The following MAP3K14 variants were observed in gnomAD, a reference collection of about 807,000 sequenced individuals.
MAP3K14 encodes mitogen-activated protein kinase kinase kinase 14, also known as NF-kappa-beta-inducing kinase.
In MAP3K14, 16 loss-of-function variants were observed where a neutral mutation model predicts 99.2. The observed-to-expected ratio is 0.16, with a 90% confidence interval of 0.11 to 0.24. MAP3K14 has a LOEUF of 0.24. MAP3K14 is among the 10% of genes least tolerant of loss of function. The pLI, the probability that MAP3K14 is intolerant of heterozygous loss-of-function variation, is 1.00. For missense variants in MAP3K14, 784 were observed against 1,208.7 expected (o/e 0.65, Z 5.21); for synonymous variants, 462 against 492.4 (o/e 0.94, Z 0.82).
Position 45,287,008 on chromosome 17 carries a change from T to C in MAP3K14, c.575A>G (p.Asn192Ser), listed in dbSNP as rs1427307864. The change falls in exon 5 of 16, where the codon AAC becomes AGC. Residue 192 changes from asparagine to serine, a missense_variant. Physicochemically the swap from Asn to Ser is conservative, Grantham distance 46 (BLOSUM62 1). Transcript: ENST00000344686. ...ESPLGAPYVR[N>S]TPQFTKPLKE... Reference sequence around the variant, plus strand: ...CAGAGGCTTGGTGAACTGCGGGGTGTTTCTAACATATGGGGCGCCGAGTGG... The same window carrying C: ...CAGAGGCTTGGTGAACTGCGGGGTGCTTCTAACATATGGGGCGCCGAGTGG... 2 of 1,613,620 alleles carry C rather than the reference T, an allele frequency of 1.2e-6. No individual in the cohort carries two copies. The highest frequency in any genetic ancestry group is 1.7e-6 in the Non-Finnish European group (2 of 1,179,650).
At position 45,266,467 on chromosome 17, in the gene MAP3K14, C is replaced by T. The variant is rs2044083502; in HGVS notation, c.2578+70G>A. The T allele has an allele frequency of 5.3e-6, 8 of 1,523,164 alleles. 1 individual carries two copies. The South Asian group carries it at 8.7e-5, about 17-fold the overall frequency. 94.4% of individuals were successfully genotyped at this position (1,523,164 alleles called of 1,614,324 possible). On this transcript the variant is annotated intron_variant, in intron 14 of 15. Transcript: ENST00000344686. ...CCAGAGGAGGGGAGACAAAATCCCTCAATGGCTGTCTAGCTCCAGGCAGAT... is the reference window on the plus strand; with the variant it reads ...CCAGAGGAGGGGAGACAAAATCCCTTAATGGCTGTCTAGCTCCAGGCAGAT...
At chr17:45,316,278 C>G (rs2044531651) in intron 1 of MAP3K14, among the ~76,000 whole-genome samples, 1 of 152,248 alleles carries the variant, frequency 6.6e-6, no homozygotes, top group Admixed American at 6.5e-5. Flanking sequence ...AGTGGCCCCT[C>G]TCTGCCTGGT....
intron 1 of MAP3K14, among the ~76,000 whole-genome samples, chr17:45,293,052 C>T (rs1467959644): frequency 1.3e-5 from 2 of 152,216 alleles, no homozygotes; most frequent in Non-Finnish European, 2.9e-5. Context: ...TGGGGCCCTG[C>T]ACACAGTGCC....
At chr17:45,293,671 G>A (rs2044328645) in intron 1 of MAP3K14, among the ~76,000 whole-genome samples, 1 of 152,212 alleles carries the variant, frequency 6.6e-6, no homozygotes, top group Non-Finnish European at 1.5e-5. Flanking sequence ...CGGCCTGGGA[G>A]CTGTAAAGCT....
intron 6 of MAP3K14, among the ~76,000 whole-genome samples, chr17:45,283,014 T>C (rs1371129644): frequency 6.6e-6 from 1 of 152,162 alleles, no homozygotes; most frequent in African/African-American, 2.4e-5. Context: ...TGCTGAGAAG[T>C]CCATGCCTTG....
intron 1 of MAP3K14, among the ~76,000 whole-genome samples, chr17:45,308,710 C>T (rs1426043784): frequency 6.6e-6 from 1 of 151,788 alleles, no homozygotes; most frequent in Non-Finnish European, 1.5e-5. Flanking sequence ...CTCTGTCGCC[C>T]AGGCTGGGGT....
At chr17:45,282,753 C>T (rs57851054) in intron 6 of MAP3K14, among the ~76,000 whole-genome samples, 3,450 of 152,210 alleles carry the variant, frequency 0.023, 140 homozygotes, top group African/African-American at 0.078. Flanking sequence ...TGCTCTGATC[C>T]GATGTGCAGC....
intron 1 of MAP3K14, among the ~76,000 whole-genome samples, chr17:45,309,281 C>A (rs763893252): frequency 2.4e-4 from 36 of 152,350 alleles, no homozygotes; most frequent in Non-Finnish European, 4.6e-4. Context: ...CACCCAGGCA[C>A]CTGCAGAATC....
chr17:45,294,275 C>A (rs915815980), intron 1 of MAP3K14, among the ~76,000 whole-genome samples: 3 of 152,216 alleles, frequency 2.0e-5, no homozygotes, highest in Non-Finnish European at 2.9e-5. Flanking sequence ...AGAATTCACT[C>A]CATATTCTTT....
intron 3 of MAP3K14, among the ~76,000 whole-genome samples, chr17:45,288,451 C>A (rs962335199): frequency 8.0e-5 from 12 of 149,778 alleles, no homozygotes; most frequent in African/African-American, 3.0e-4. Context: ...AATCTCGGCT[C>A]ACTGCAACCT....
At chr17:45,311,302 T>C (rs1478384242) in intron 1 of MAP3K14, among the ~76,000 whole-genome samples, 1 of 152,172 alleles carries the variant, frequency 6.6e-6, no homozygotes, top group Admixed American at 6.5e-5. Context: ...TGATGGGGTA[T>C]GGGTACAGGG....
chr17:45,269,688 T>G (rs1598242918), intron 11 of MAP3K14, among the ~76,000 whole-genome samples: 1 of 152,182 alleles, frequency 6.6e-6, no homozygotes, highest in African/African-American at 2.4e-5. Context: ...GAAGACCGGG[T>G]TCAGAGAACT....
chr17:45,270,939 T>G, intron 10 of MAP3K14, 119 bp downstream of exon 10: 1 of 1,358,248 alleles, frequency 7.4e-7, no homozygotes, highest in African/African-American at 1.4e-5. Context: ...GGATCCCACA[T>G]GGATGACCAG....
intron 8 of MAP3K14, 108 bp from the exon 9 acceptor site, chr17:45,273,715 C>T: frequency 1.2e-6 from 1 of 803,924 alleles, no homozygotes. Flanking sequence ...TCTGGCTGAC[C>T]CTACGTGGCA....
At position 45,289,679 on chromosome 17, in the gene MAP3K14, AT is replaced by A. The variant is rs1156991439; in HGVS notation, c.257-375del. Among the ~76,000 whole-genome samples the A allele has an allele frequency of 2.6e-5, 4 of 152,280 alleles. No homozygotes were observed. In the East Asian group the frequency reaches 7.7e-4, roughly 29 times the overall value. The stretch of plus-strand genomic sequence containing the variant: ...TAGGTATTTATATATGTGTGTACAT[AT>A]AAGTGTGGATATATGTGTATTTTTT... On this transcript the variant is annotated intron_variant, in intron 2 of 15. Transcript: ENST00000344686.
intron 14 of MAP3K14, 28 bp downstream of exon 14, chr17:45,266,509 T>C (rs1253948547): frequency 6.3e-7 from 1 of 1,586,228 alleles, no homozygotes. Context: ...CCACGGGGAC[T>C]GCTGAGCAGG....
At chr17:45,266,855 CAT>C (rs1265278709) in intron 13 of MAP3K14, among the ~76,000 whole-genome samples, 174 bp from the exon 14 acceptor site, 1 of 152,172 alleles carries the variant, frequency 6.6e-6, no homozygotes, top group Admixed American at 6.5e-5. Context: ...TGGCAAAACA[CAT>C]TCCCTAATCC....
rs755755939 is a variant in MAP3K14 at position 45,267,793 on chromosome 17, C to T, written c.1973-34G>A. On this transcript the variant is annotated intron_variant, in intron 11 of 15. Transcript: ENST00000344686. This position sits in a 1 kb window ranked among gnomAD's most constrained non-coding sequence, Gnocchi z 5.1. ...CAGAGAGTACAATGGTGAGGGGAAG[C>T]GTGCTGTGCACAGACAGCGGTCCAG... 39 of 1,569,530 alleles carry T rather than the reference C, an allele frequency of 2.5e-5. No homozygotes were observed. In the African/African-American group the frequency reaches 3.1e-4, roughly 13 times the overall value.
At chr17:45,314,830 G>A (rs926985800) in intron 1 of MAP3K14, among the ~76,000 whole-genome samples, 7 of 152,106 alleles carry the variant, frequency 4.6e-5, no homozygotes, top group African/African-American at 1.4e-4. Flanking sequence ...GAAAGCCCAT[G>A]TGCTGTCCAT....
Sources: gnomAD v4.1 joint callset for allele counts (sites outside exome capture counted in the v4.1 genomes callset) on GRCh38, gnomAD v4.1.1 for gene constraint, Gnocchi (gnomAD v3.1) non-coding constraint, MANE v1.5 for transcripts, NCBI Gene and HGNC (gene_info 2026-07-23, HGNC 2026-07-21) for gene names.